The following MED27 variants were observed in gnomAD, a reference collection of about 807,000 sequenced individuals.
The protein encoded by MED27 is mediator of RNA polymerase II transcription subunit 27.
MED27 carries 30 observed loss-of-function variants against 38.2 expected under a neutral mutation model. That is an observed-to-expected ratio of 0.79 (90% CI 0.59 to 1.07). The LOEUF is 1.07. Ranked by LOEUF, MED27 falls within the 50% of genes least tolerant of loss-of-function variation. The probability of loss-of-function intolerance (pLI) is 0.00; values close to 1 mark genes in which losing one functional copy is unlikely to be tolerated. For synonymous variants in MED27, 122 were observed against 153.5 expected (o/e 0.79, Z 1.52); for missense variants, 289 against 397.5 (o/e 0.73, Z 2.32).
At chr9:132,065,839 C>A (rs921538486) in intron 2 of MED27, among the ~76,000 whole-genome samples, 2 of 152,230 alleles carry the variant, frequency 1.3e-5, no homozygotes, top group Non-Finnish European at 2.9e-5. Context: ...TAATGGGCCT[C>A]AATGGTAGAA....
At chr9:132,049,193 G>T (rs1833409280) in intron 2 of MED27, among the ~76,000 whole-genome samples, 1 of 152,162 alleles carries the variant, frequency 6.6e-6, no homozygotes, top group Admixed American at 6.5e-5. Context: ...TATCTCCATT[G>T]ATTTTACTTG....
intron 3 of MED27, among the ~76,000 whole-genome samples, chr9:131,978,297 T>C (rs7858113): frequency 0.58 from 87,677 of 151,996 alleles, 26,743 homozygotes; most frequent in Non-Finnish European, 0.67. Context: ...TATACATACA[T>C]TTAAAAAGAC....
chr9:132,017,748 C>T (rs989091911), intron 2 of MED27, among the ~76,000 whole-genome samples: 1 of 152,052 alleles, frequency 6.6e-6, no homozygotes, highest in Admixed American at 6.6e-5. Context: ...CATTAATTTC[C>T]ACTTTCTATT....
chr9:132,068,237 C>T (rs1227805134), intron 2 of MED27, among the ~76,000 whole-genome samples: 2 of 152,114 alleles, frequency 1.3e-5, no homozygotes, highest in South Asian at 2.1e-4. Context: ...CACTGCTACC[C>T]TAAGAGGCAG....
chr9:132,063,905 G>A (rs1363337335), intron 2 of MED27, among the ~76,000 whole-genome samples: 5 of 152,230 alleles, frequency 3.3e-5, no homozygotes, highest in South Asian at 4.1e-4. Context: ...TGAAGTGGAA[G>A]AAACTTGGAG....
Position 131,894,005 on chromosome 9 carries a change from A to T in MED27, c.574-13T>A, listed in dbSNP as rs752798730. On this transcript the variant is annotated splice_polypyrimidine_tract_variant and intron_variant, in intron 4 of 7. Transcript: ENST00000292035. ...TTCCCAAGGTCACCTGCCAAAACAC[A>T]TGTAAGCTGACACTTGAACACGCAA... 1.2e-6 allele frequency: 2 copies of T among 1,605,134 alleles called. No homozygotes were observed. The highest frequency in any genetic ancestry group is 8.5e-7 in the Non-Finnish European group (1 of 1,171,848).
intron 4 of MED27, among the ~76,000 whole-genome samples, chr9:131,915,118 A>G (rs1245451694): frequency 6.6e-6 from 1 of 152,172 alleles, no homozygotes; most frequent in African/African-American, 2.4e-5. Context: ...GAGATTATCT[A>G]GGGAGTAGGA....
chr9:131,966,368 AGCC>A (rs1554761543), intron 3 of MED27, among the ~76,000 whole-genome samples: 61 of 118,854 alleles, frequency 5.1e-4, no homozygotes, highest in Non-Finnish European at 7.0e-4. Flanking sequence ...CAGGCAAAAG[AGCC>A]AGACCCTGTC....
intron 3 of MED27, among the ~76,000 whole-genome samples, chr9:131,958,248 GTTTTT>G (rs945537637): frequency 2.8e-5 from 4 of 141,742 alleles, no homozygotes; most frequent in African/African-American, 1.0e-4. Flanking sequence ...ATTCAGTGGG[GTTTTT>G]TTTTTTTTTG....
At chr9:131,956,232 C>G (rs1831094951) in intron 3 of MED27, among the ~76,000 whole-genome samples, 1 of 152,132 alleles carries the variant, frequency 6.6e-6, no homozygotes, top group Non-Finnish European at 1.5e-5. Flanking sequence ...TCCATAGAGA[C>G]AGAAAGTAGA....
At chr9:131,968,431 A>G (rs1171665734) in intron 3 of MED27, among the ~76,000 whole-genome samples, 2 of 148,086 alleles carry the variant, frequency 1.4e-5, no homozygotes, top group Non-Finnish European at 3.0e-5. Flanking sequence ...CCTAGATCAC[A>G]CCACTGCACT....
chr9:131,981,066 C>A (rs1330582930), intron 3 of MED27, among the ~76,000 whole-genome samples: 1 of 152,190 alleles, frequency 6.6e-6, no homozygotes, highest in Non-Finnish European at 1.5e-5. Flanking sequence ...ATGATGGTAT[C>A]ATTTCTTGAA....
At chr9:131,973,552 G>A (rs903935236) in intron 3 of MED27, among the ~76,000 whole-genome samples, 2 of 150,510 alleles carry the variant, frequency 1.3e-5, no homozygotes, top group African/African-American at 4.9e-5. Context: ...CCGCCTCCTG[G>A]GTTCAAGCGA....
At chr9:131,950,475 GTTA>G (rs1309828152) in intron 3 of MED27, among the ~76,000 whole-genome samples, 1 of 152,174 alleles carries the variant, frequency 6.6e-6, no homozygotes, top group Non-Finnish European at 1.5e-5. Context: ...ACTGCTTCCA[GTTA>G]CTCAGTTTGC....
At chr9:131,908,583 C>T (rs1830126628) in intron 4 of MED27, among the ~76,000 whole-genome samples, 2 of 152,298 alleles carry the variant, frequency 1.3e-5, no homozygotes, top group South Asian at 4.1e-4. Context: ...TTACCCCCAA[C>T]CCAGTGCTCT....
chr9:131,991,056 T>C (rs1271370409), intron 3 of MED27, among the ~76,000 whole-genome samples: 1 of 152,164 alleles, frequency 6.6e-6, no homozygotes, highest in Non-Finnish European at 1.5e-5. Context: ...AAAACATAAC[T>C]GAGAGCACTA....
intron 2 of MED27, among the ~76,000 whole-genome samples, chr9:132,075,305 T>TCTA (rs1834020833): frequency 1.3e-5 from 2 of 152,104 alleles, no homozygotes; most frequent in Non-Finnish European, 2.9e-5. Flanking sequence ...TTTGCGCACC[T>TCTA]CTAAAATAAG....
At chr9:132,009,734 G>A (rs1314055881) in intron 3 of MED27, among the ~76,000 whole-genome samples, 2 of 152,224 alleles carry the variant, frequency 1.3e-5, no homozygotes, top group Non-Finnish European at 2.9e-5. Context: ...AACTGTGAGA[G>A]ATAATGTTCA....
At chr9:132,058,848 T>C (rs1046342234) in intron 2 of MED27, among the ~76,000 whole-genome samples, 3 of 152,372 alleles carry the variant, frequency 2.0e-5, no homozygotes, top group Admixed American at 2.0e-4. Context: ...CCTGAAATCA[T>C]GATGCATTTT....
Sources: allele counts gnomAD v4.1 joint callset (sites outside exome capture counted in the v4.1 genomes callset), GRCh38; gene constraint gnomAD v4.1.1; transcripts MANE v1.5; gene names NCBI Gene and HGNC (gene_info 2026-07-23, HGNC 2026-07-21).